Variants in ADGRB3 observed in about 807,000 individuals in gnomAD.
The protein encoded by ADGRB3 is brain-specific angiogenesis inhibitor 3.
ADGRB3 carries 37 observed loss-of-function variants against 193.4 expected under a neutral mutation model. The observed-to-expected ratio is 0.19, with a 90% CI of 0.15 to 0.25. ADGRB3 has a LOEUF of 0.25. Among genes scored for constraint, ADGRB3 ranks in the 10% least tolerant of loss-of-function variants. The pLI, the probability that ADGRB3 is intolerant of heterozygous loss-of-function variation, is 1.00. For missense variants in ADGRB3, 1,637 were observed against 1,852.9 expected, an observed-to-expected ratio of 0.88 and a Z score of 2.14; for synonymous variants, 690 against 644.2, an observed-to-expected ratio of 1.07 and a Z score of -1.08.
Position 68,669,400 on chromosome 6 carries a change from C to G in ADGRB3, c.757+29968C>G, listed in dbSNP as rs140629556. On this transcript the variant is annotated intron_variant, in intron 3 of 31. Transcript: ENST00000370598. The stretch of plus-strand genomic sequence containing the variant: ...ATCTACCCCTCAATCCCCCACTACC[C>G]TTCCCTGCCTCTGGTAACCATCCTT... 1.3e-3 allele frequency among the ~76,000 whole-genome samples: 201 copies of G among 151,102 alleles called. 2 individuals carry two copies. In the East Asian group the frequency reaches 0.033, roughly 25 times the overall value.
At chr6:68,999,201 A>G (rs1769486430) in intron 11 of ADGRB3, among the ~76,000 whole-genome samples, 1 of 152,136 alleles carries the variant, frequency 6.6e-6, no homozygotes, top group South Asian at 2.1e-4. Flanking sequence ...ATTCTTTTCC[A>G]AACCTTTGGA....
chr6:69,167,566 G>T (rs889433139), intron 17 of ADGRB3, among the ~76,000 whole-genome samples: 8 of 152,130 alleles, frequency 5.3e-5, no homozygotes, highest in African/African-American at 1.9e-4. Context: ...AGAGATTTGG[G>T]TTTTTCCAGT....
intron 17 of ADGRB3, among the ~76,000 whole-genome samples, chr6:69,146,299 C>A (rs1197520223): frequency 6.6e-6 from 1 of 152,192 alleles, no homozygotes; most frequent in Non-Finnish European, 1.5e-5. Flanking sequence ...AGTGCCCAGG[C>A]TTGGCTTCAA....
intron 3 of ADGRB3, among the ~76,000 whole-genome samples, chr6:68,702,895 G>T (rs1039631138): frequency 6.6e-6 from 1 of 152,104 alleles, no homozygotes; most frequent in African/African-American, 2.4e-5. Context: ...GGATACATAT[G>T]TATGTGGCTA....
At chr6:68,960,644 C>T (rs958066204) in intron 8 of ADGRB3, among the ~76,000 whole-genome samples, 25 of 103,796 alleles carry the variant, frequency 2.4e-4, no homozygotes, top group African/African-American at 8.8e-4. Flanking sequence ...TTTAACTTAG[C>T]TTCAGTAGGA....
At chr6:68,699,484 CAT>C (rs916387540) in intron 3 of ADGRB3, among the ~76,000 whole-genome samples, 6 of 151,916 alleles carry the variant, frequency 3.9e-5, no homozygotes, top group African/African-American at 1.5e-4. Flanking sequence ...TATTTTGAGA[CAT>C]ATTTATGAGA....
intron 17 of ADGRB3, among the ~76,000 whole-genome samples, chr6:69,212,563 A>G (rs1765690533): frequency 6.6e-6 from 1 of 152,118 alleles, no homozygotes; most frequent in Admixed American, 6.5e-5. Context: ...AAACTGAAAC[A>G]TGACCTTTTC....
chr6:69,188,562 G>A (rs1019564302), intron 17 of ADGRB3, among the ~76,000 whole-genome samples: 6 of 152,142 alleles, frequency 3.9e-5, no homozygotes, highest in Non-Finnish European at 8.8e-5. Flanking sequence ...ACCCACGTCT[G>A]TCTTCCAAAG....
intron 17 of ADGRB3, among the ~76,000 whole-genome samples, chr6:69,211,941 A>G (rs1444162325): frequency 6.6e-6 from 1 of 152,216 alleles, no homozygotes; most frequent in African/African-American, 2.4e-5. Context: ...ATAAATGCTT[A>G]GATATTACAT....
chr6:68,644,636 T>C (rs1164197278), intron 3 of ADGRB3, among the ~76,000 whole-genome samples: 1 of 152,150 alleles, frequency 6.6e-6, no homozygotes, highest in Non-Finnish European at 1.5e-5. Context: ...TCTATGTTAG[T>C]GATGGAATAT....
chr6:68,819,874 A>T (rs1458616962), intron 3 of ADGRB3, among the ~76,000 whole-genome samples: 1 of 152,030 alleles, frequency 6.6e-6, no homozygotes, highest in Non-Finnish European at 1.5e-5. Context: ...GATTTTTTTA[A>T]AAGTTACATC....
chr6:69,116,105 T>A (rs747242833), intron 17 of ADGRB3, among the ~76,000 whole-genome samples: 5 of 152,220 alleles, frequency 3.3e-5, no homozygotes, highest in Non-Finnish European at 7.3e-5. Context: ...GATTTCTATG[T>A]TACAGTTGTC....
intron 3 of ADGRB3, among the ~76,000 whole-genome samples, chr6:68,901,517 G>C (rs931701927): frequency 5.9e-5 from 9 of 152,182 alleles, no homozygotes; most frequent in African/African-American, 1.9e-4. Flanking sequence ...CACAGGGTGT[G>C]AATGTCAGGA....
At position 68,763,325 on chromosome 6, in the gene ADGRB3, G is replaced by T. The variant is rs527285517; in HGVS notation, c.757+123893G>T. On this transcript the variant is annotated intron_variant, in intron 3 of 31. Transcript: ENST00000370598. Reference sequence around the variant, plus strand: ...AGCTGGTCTTGAACTCCTGACCTCAGGTGATCCGCCCGCCTTGGCCTCCCA... The same window carrying T: ...AGCTGGTCTTGAACTCCTGACCTCATGTGATCCGCCCGCCTTGGCCTCCCA... Among the ~76,000 whole-genome samples the T allele has an allele frequency of 3.9e-5, 6 of 152,218 alleles. No individual in the cohort carries two copies. The South Asian group carries it at 8.3e-4, about 21-fold the overall frequency.
intron 3 of ADGRB3, among the ~76,000 whole-genome samples, chr6:68,689,849 C>T (rs2127301324): frequency 6.6e-6 from 1 of 152,260 alleles, no homozygotes; most frequent in East Asian, 1.9e-4. Context: ...ATACCTTATT[C>T]TGAAACAAAA....
intron 29 of ADGRB3, among the ~76,000 whole-genome samples, chr6:69,362,558 T>C (rs945558019): frequency 1.8e-4 from 27 of 151,924 alleles, no homozygotes; most frequent in African/African-American, 6.5e-4. Context: ...TCCCAATTGA[T>C]TGAGAAAATT....
At chr6:69,028,763 A>G (rs534291077) in intron 13 of ADGRB3, among the ~76,000 whole-genome samples, 1 of 152,318 alleles carries the variant, frequency 6.6e-6, no homozygotes, top group Non-Finnish European at 1.5e-5. Context: ...ATCACATATT[A>G]TGCCAATTTC....
At chr6:69,021,051 T>C (rs1370892001) in intron 13 of ADGRB3, among the ~76,000 whole-genome samples, 2 of 151,932 alleles carry the variant, frequency 1.3e-5, no homozygotes, top group African/African-American at 4.8e-5. Flanking sequence ...CCTCATTCTG[T>C]CTTACATTCT....
chr6:68,661,339 ATATGTG>A (rs1267855123), intron 3 of ADGRB3, among the ~76,000 whole-genome samples: 15 of 95,940 alleles, frequency 1.6e-4, no homozygotes, highest in South Asian at 7.0e-4. Flanking sequence ...ATATATATAT[ATATGTG>A]TGTGTGTGTG....
Sources: allele counts gnomAD v4.1 joint callset (sites outside exome capture counted in the v4.1 genomes callset), GRCh38; gene constraint gnomAD v4.1.1; transcripts MANE v1.5; gene names NCBI Gene and HGNC (gene_info 2026-07-23, HGNC 2026-07-21).